IPO11: variants seen among roughly 807,000 people sequenced by gnomAD.
The protein encoded by IPO11 is importin 11, also known as importin-11.
IPO11 carries 66 observed loss-of-function variants against 143.2 expected under a neutral mutation model. That is an observed-to-expected ratio of 0.46 (90% CI 0.38 to 0.57). The LOEUF (loss-of-function observed/expected upper bound fraction) is 0.57, where lower values mean the gene tolerates loss of function less well. Among genes scored for constraint, IPO11 ranks in the 20% least tolerant of loss-of-function variants. The pLI is 0.00. For missense variants in IPO11, 1,026 were observed against 1,141.0 expected (o/e 0.90, Z 1.45); for synonymous variants, 385 against 377.8 (o/e 1.02, Z -0.22).
intron 19 of IPO11, among the ~76,000 whole-genome samples, chr5:62,513,067 GTCA>G (rs1312579567): frequency 6.7e-6 from 1 of 149,532 alleles, no homozygotes; most frequent in Non-Finnish European, 1.5e-5. Context: ...AACCGCCATC[GTCA>G]TCATGGCCCA....
At chr5:62,489,256 G>C in intron 13 of IPO11, 46 bp from the exon 14 acceptor site, 2 of 1,170,178 alleles carry the variant, frequency 1.7e-6, no homozygotes, top group Middle Eastern at 2.9e-4. Flanking sequence ...TAAAAAACTA[G>C]TTTTATTTGC....
chr5:62,483,916 C>A, intron 10 of IPO11, 94 bp from the exon 11 acceptor site: 1 of 1,046,582 alleles, frequency 9.6e-7, no homozygotes, highest in Non-Finnish European at 1.4e-6. Flanking sequence ...TATCTTCTTC[C>A]CTGAGAGTGT....
chr5:62,531,645 T>C (rs1268753750), intron 22 of IPO11, among the ~76,000 whole-genome samples: 1 of 152,114 alleles, frequency 6.6e-6, no homozygotes, highest in East Asian at 1.9e-4. Context: ...AATGACACAC[T>C]GGAAAAAATA....
chr5:62,503,498 G>A (rs1257635931), intron 16 of IPO11, among the ~76,000 whole-genome samples: 1 of 151,344 alleles, frequency 6.6e-6, no homozygotes, highest in Non-Finnish European at 1.5e-5. Flanking sequence ...AGATCTGTAT[G>A]GGCATGGCTT....
intron 28 of IPO11, among the ~76,000 whole-genome samples, chr5:62,593,870 C>G (rs1362356880): frequency 6.6e-6 from 1 of 152,174 alleles, no homozygotes; most frequent in East Asian, 1.9e-4. Flanking sequence ...TTAAATCTTC[C>G]TACATTATAA....
Position 62,458,220 on chromosome 5 carries a change from CTTTTG to C in IPO11, c.516+6295_516+6299del, listed in dbSNP as rs1181090931. On this transcript the variant is annotated intron_variant, in intron 5 of 29. Transcript: ENST00000325324. ...ATAGGTTTAATAGATCTTATTTTCA[CTTTTG>C]TTTTGTTGATTTTAATTGTACATTA... is the stretch of plus-strand genomic sequence containing the variant. Among the ~76,000 whole-genome samples the C allele has an allele frequency of 6.0e-5, 9 of 151,086 alleles. No homozygotes were observed. In the South Asian group the frequency reaches 1.3e-3, roughly 21 times the overall value.
chr5:62,593,850 T>G (rs1745120222), intron 28 of IPO11, among the ~76,000 whole-genome samples: 1 of 152,242 alleles, frequency 6.6e-6, no homozygotes, highest in Admixed American at 6.5e-5. Context: ...GTGGTTAGAC[T>G]AGATCTCTAT....
chr5:62,486,603 T>G (rs1295278451), intron 12 of IPO11, among the ~76,000 whole-genome samples: 2 of 152,210 alleles, frequency 1.3e-5, no homozygotes, highest in Non-Finnish European at 2.9e-5. Flanking sequence ...AGATTTGCAC[T>G]TACATAATTT....
intron 24 of IPO11, among the ~76,000 whole-genome samples, chr5:62,549,791 T>G (rs1452318090): frequency 6.6e-6 from 1 of 152,228 alleles, no homozygotes; most frequent in African/African-American, 2.4e-5. Flanking sequence ...ATCAAAATAA[T>G]TTTTAGTCAA....
At chr5:62,550,091 A>G (rs531785999) in intron 24 of IPO11, among the ~76,000 whole-genome samples, 2 of 152,330 alleles carry the variant, frequency 1.3e-5, no homozygotes, top group East Asian at 1.9e-4. Flanking sequence ...CATTAACTGC[A>G]TGTGATACCT....
chr5:62,504,627 T>C (rs1254420312), intron 16 of IPO11, 40 bp from the exon 17 acceptor site: 9 of 1,225,356 alleles, frequency 7.3e-6, no homozygotes, highest in Non-Finnish European at 1.0e-5. Flanking sequence ...TGTTTAGTCA[T>C]TCTAAAATAA....
At chr5:62,439,093 T>C (rs984575092) in intron 2 of IPO11, among the ~76,000 whole-genome samples, 1 of 151,898 alleles carries the variant, frequency 6.6e-6, no homozygotes, top group Non-Finnish European at 1.5e-5. Context: ...TGAGTATCTT[T>C]ACTCTCCTTA....
At chr5:62,566,792 G>A (rs1743954590) in intron 27 of IPO11, among the ~76,000 whole-genome samples, 1 of 151,022 alleles carries the variant, frequency 6.6e-6, no homozygotes. Context: ...GAGTGATATA[G>A]TCACAATTAG....
intron 11 of IPO11, 88 bp downstream of exon 11, chr5:62,484,250 A>G (rs1254080048): frequency 1.9e-6 from 2 of 1,070,980 alleles, no homozygotes; most frequent in Non-Finnish European, 1.3e-6. Context: ...TTGTATTTTC[A>G]TACAGCACTT....
At position 62,484,071 on chromosome 5, in the gene IPO11, T is replaced by C. The variant is rs1190901605; in HGVS notation, c.1083T>C (p.Thr361=). ...KIKMAFFTYP[T]LTEICRRLVS... ...AGATGGCATTCTTCACATATCCTAC[T>C]TTGACAGAGATATGTAGAAGATTAG... Residue 361 remains threonine, a synonymous_variant, in exon 11 of 30, where the codon ACT becomes ACC. Transcript: ENST00000325324. The C allele has an allele frequency of 6.2e-7, 1 of 1,609,550 alleles. No individual in the cohort carries two copies. Among genetic ancestry groups the C allele is most frequent in the African/African-American group, 1.3e-5 (1 of 74,660 alleles).
chr5:62,435,118 GTA>G (rs1474091511), intron 1 of IPO11, among the ~76,000 whole-genome samples: 2 of 60,722 alleles, frequency 3.3e-5, no homozygotes, highest in Non-Finnish European at 6.5e-5. Flanking sequence ...ATGTATATAT[GTA>G]TATATGTATA....
chr5:62,626,060 C>T (rs983025233), intron 29 of IPO11, among the ~76,000 whole-genome samples: 6 of 151,682 alleles, frequency 4.0e-5, no homozygotes, highest in East Asian at 3.9e-4. Flanking sequence ...GACGGAGTCT[C>T]GCTCTGTCAC....
chr5:62,540,781 A>G (rs969198327), intron 24 of IPO11, among the ~76,000 whole-genome samples: 3 of 152,228 alleles, frequency 2.0e-5, no homozygotes, highest in African/African-American at 4.8e-5. Context: ...AGTTATAGCA[A>G]TGCCAAGCAT....
intron 2 of IPO11, among the ~76,000 whole-genome samples, chr5:62,441,251 G>T (rs1744464710): frequency 6.6e-6 from 1 of 152,096 alleles, no homozygotes; most frequent in Non-Finnish European, 1.5e-5. Context: ...AGGATGGAGT[G>T]CAATGGTGCG....
Sources: allele counts gnomAD v4.1 joint callset (sites outside exome capture counted in the v4.1 genomes callset), GRCh38; gene constraint gnomAD v4.1.1; transcripts MANE v1.5; gene names NCBI Gene and HGNC (gene_info 2026-07-23, HGNC 2026-07-21).